RGS10: variants seen among roughly 807,000 people sequenced by gnomAD.
RGS10 encodes the protein regulator of G protein signaling 10, also known as regulator of G-protein signalling 10.
RGS10 carries 11 observed loss-of-function variants against 23.5 expected under a neutral mutation model. The observed-to-expected ratio is 0.47, with a 90% confidence interval of 0.29 to 0.77. RGS10 has a LOEUF of 0.77. RGS10 is among the 30% of genes least tolerant of loss of function. The probability of loss-of-function intolerance (pLI) is 0.08; values close to 1 mark genes in which losing one functional copy is unlikely to be tolerated. For synonymous variants in RGS10, 77 were observed against 83.2 expected, an observed-to-expected ratio of 0.92 and a Z score of 0.41; for missense variants, 180 against 226.3, an observed-to-expected ratio of 0.80 and a Z score of 1.31.
At chr10:119,504,999 T>A (rs1449412586) in intron 4 of RGS10, among the ~76,000 whole-genome samples, 1 of 152,162 alleles carries the variant, frequency 6.6e-6, no homozygotes, top group Non-Finnish European at 1.5e-5. Flanking sequence ...CTCATCCAGT[T>A]GGCTTGTTGA....
chr10:119,501,730 A>C (rs182604139), intron 4 of RGS10, among the ~76,000 whole-genome samples: 2,285 of 152,242 alleles, frequency 0.015, 23 homozygotes, highest in Non-Finnish European at 0.025. Context: ...CTCAAAAAAA[A>C]AGAAATAAAA....
chr10:119,536,760 G>C (rs772860570), intron 1 of RGS10, among the ~76,000 whole-genome samples: 1 of 152,100 alleles, frequency 6.6e-6, no homozygotes, highest in African/African-American at 2.4e-5. Context: ...AGCAGCCCTA[G>C]CCCGAAAACA....
At chr10:119,535,821 A>C (rs1482159884) in intron 1 of RGS10, among the ~76,000 whole-genome samples, 1 of 152,180 alleles carries the variant, frequency 6.6e-6, no homozygotes, top group Admixed American at 6.5e-5. Context: ...GTTTGGTACA[A>C]CTCACATGCA....
rs1844292434 is a variant in RGS10, at chr10:119,527,790, A to G, written c.50-366T>C. Among the ~76,000 whole-genome samples, 2 of 152,052 alleles carry G rather than the reference A, an allele frequency of 1.3e-5. No homozygotes were observed. Among genetic ancestry groups the G allele is most frequent in the Non-Finnish European group, 2.9e-5 (2 of 68,010 alleles). On this transcript the variant is annotated intron_variant, in intron 1 of 4. Coordinates refer to ENST00000369103, the MANE Select transcript of RGS10 (RefSeq NM_001005339.2). This position sits in a 1 kb window ranked among gnomAD's most constrained non-coding sequence, Gnocchi z 4.2. Reference sequence around the variant, plus strand: ...TTGATTCAACAGCAACTGCTTCCCCATGGCGCTTTGTGCACAGACTTAGAA... The same window carrying G: ...TTGATTCAACAGCAACTGCTTCCCCGTGGCGCTTTGTGCACAGACTTAGAA...
rs550541100 is a variant in RGS10, at chr10:119,535,066, C to A, written c.49+7524G>T. Among the ~76,000 whole-genome samples the A allele has an allele frequency of 1.2e-4, 18 of 152,158 alleles. 1 individual carries two copies. In the South Asian group the frequency reaches 3.3e-3, roughly 28 times the overall value. On this transcript the variant is annotated intron_variant, in intron 1 of 4. Coordinates refer to ENST00000369103, the MANE Select transcript of RGS10 (RefSeq NM_001005339.2). ...GCACGGTAACTTACAAGCGTCCCAGCTAGAAAATGGGAAATCACGGCCCAA... is the reference window on the plus strand; with the variant it reads ...GCACGGTAACTTACAAGCGTCCCAGATAGAAAATGGGAAATCACGGCCCAA...
At position 119,542,704 on chromosome 10, in the gene RGS10, CGAGGAG is replaced by C; in HGVS notation, c.-72_-67del. ...GCGCGGCGGCTGAGCCGGAGGAAGG[CGAGGAG>C]GAGGAGGAGGGCGAGGAGGAGGAGG... On this transcript the variant is annotated 5_prime_UTR_variant, in exon 1 of 5. Coordinates refer to ENST00000369103, the MANE Select transcript of RGS10 (RefSeq NM_001005339.2). The C allele has an allele frequency of 7.9e-7, 1 of 1,264,910 alleles. No individual in the cohort carries two copies. Among genetic ancestry groups the C allele is most frequent in the Non-Finnish European group, 1.0e-6 (1 of 988,598 alleles). The allele number at this position is 1,264,910 out of a possible 1,614,324, so 78.4% of individuals were successfully genotyped here.
intron 4 of RGS10, among the ~76,000 whole-genome samples, chr10:119,509,059 C>T (rs571594061): frequency 2.2e-4 from 33 of 152,118 alleles, no homozygotes; most frequent in Non-Finnish European, 4.3e-4. Flanking sequence ...CATGATGGTG[C>T]CACTGTATTC....
At chr10:119,528,091 C>A (rs1297729583) in intron 1 of RGS10, among the ~76,000 whole-genome samples, 1 of 152,144 alleles carries the variant, frequency 6.6e-6, no homozygotes, top group East Asian at 1.9e-4. Context: ...AGTGCAGTAG[C>A]ACAGTCTCGG....
chr10:119,522,835 G>A (rs914289743), intron 3 of RGS10, among the ~76,000 whole-genome samples: 10 of 151,680 alleles, frequency 6.6e-5, no homozygotes, highest in Non-Finnish European at 8.8e-5. Flanking sequence ...CCTAGGCAGC[G>A]GGACTCACTA....
chr10:119,526,268 T>C, intron 2 of RGS10, 150 bp from the exon 3 acceptor site: 1 of 472,820 alleles, frequency 2.1e-6, no homozygotes, highest in East Asian at 3.2e-5. Flanking sequence ...GAAAAACAAA[T>C]GAGTATGTTT....
At chr10:119,515,425 A>T (rs1844130708) in intron 4 of RGS10, 84 bp downstream of exon 4, 1 of 1,533,308 alleles carries the variant, frequency 6.5e-7, no homozygotes, top group African/African-American at 1.4e-5. Context: ...AGGGAGTCTA[A>T]CATCGGGTGT....
chr10:119,509,636 G>C (rs1369317459), intron 4 of RGS10, among the ~76,000 whole-genome samples: 1 of 152,050 alleles, frequency 6.6e-6, no homozygotes. Context: ...GGTAGGGGCA[G>C]CAGGGGGAGT....
intron 3 of RGS10, among the ~76,000 whole-genome samples, chr10:119,522,447 G>A (rs1209704469): frequency 3.3e-5 from 5 of 152,148 alleles, no homozygotes; most frequent in Non-Finnish European, 7.3e-5. Flanking sequence ...GGCCGGGCGC[G>A]GTGGCTCACG....
intron 4 of RGS10, among the ~76,000 whole-genome samples, chr10:119,511,365 T>C (rs995976022): frequency 2.6e-5 from 4 of 152,150 alleles, no homozygotes; most frequent in African/African-American, 9.7e-5. Context: ...ACACCTGTAA[T>C]CCCAGTACTT....
intron 4 of RGS10, among the ~76,000 whole-genome samples, chr10:119,505,596 T>C (rs1844002491): frequency 6.6e-6 from 1 of 152,180 alleles, no homozygotes; most frequent in East Asian, 1.9e-4. Context: ...GACATTGCCA[T>C]GGCTGAGCAG....
In RGS10 at chr10:119,542,683, G is replaced by C. The variant is rs1214491415; in HGVS notation, c.-45C>G. 2.3e-6 allele frequency: 3 copies of C among 1,332,012 alleles called. No individual in the cohort carries two copies. Among genetic ancestry groups the C allele is most frequent in the South Asian group, 1.9e-5 (1 of 53,866 alleles). 82.5% of individuals were successfully genotyped at this position (1,332,012 alleles called of 1,614,324 possible). A position where few individuals can be genotyped will look rare whatever the true frequency, so the allele number is the denominator to read the frequency against. ...GGAAGAAGGAGCAGCCCGGCGGCGC[G>C]GCGGCTGAGCCGGAGGAAGGCGAGG... is the stretch of plus-strand genomic sequence containing the variant. On this transcript the variant is annotated 5_prime_UTR_variant, in exon 1 of 5. Coordinates refer to ENST00000369103, the MANE Select transcript of RGS10 (RefSeq NM_001005339.2).
intron 3 of RGS10, among the ~76,000 whole-genome samples, chr10:119,519,471 C>T (rs1259951117): frequency 5.7e-5 from 8 of 141,532 alleles, no homozygotes; most frequent in Non-Finnish European, 1.2e-4. Context: ...CTGTATCTGT[C>T]CCCCAGCTCC....
At chr10:119,504,566 A>T (rs1333186926) in intron 4 of RGS10, among the ~76,000 whole-genome samples, 1 of 152,244 alleles carries the variant, frequency 6.6e-6, no homozygotes, top group African/African-American at 2.4e-5. Flanking sequence ...GTGTTCCCCC[A>T]AACTTACATT....
rs543382897 is a variant in RGS10, at chr10:119,524,399, C to T, written c.255+1633G>A. On this transcript the variant is annotated intron_variant, in intron 3 of 4. Coordinates refer to ENST00000369103, the MANE Select transcript of RGS10 (RefSeq NM_001005339.2). The surrounding 1 kb of genome is among the most constrained non-coding windows in gnomAD (Gnocchi z 5.2). ...CACTTCCTTGTCTACACTGCAGGGG[C>T]GGACCGGCCCACCCACAGGCCCCTC... 2.6e-5 allele frequency among the ~76,000 whole-genome samples: 4 copies of T among 152,274 alleles called. No individual in the cohort carries two copies. Among genetic ancestry groups the T allele is most frequent in the Non-Finnish European group, 4.4e-5 (3 of 68,024 alleles).
Sources: allele counts gnomAD v4.1 joint callset (sites outside exome capture counted in the v4.1 genomes callset), GRCh38; gene constraint gnomAD v4.1.1; non-coding constraint Gnocchi (gnomAD v3.1); transcripts MANE v1.5; gene names NCBI Gene and HGNC (gene_info 2026-07-23, HGNC 2026-07-21).